SPATA13: variants seen among roughly 807,000 people sequenced by gnomAD.
SPATA13 encodes spermatogenesis associated 13.
In SPATA13, 50 loss-of-function variants were observed where a neutral mutation model predicts 104.0. The observed-to-expected ratio is 0.48, with a 90% CI of 0.38 to 0.61. The LOEUF (loss-of-function observed/expected upper bound fraction) is 0.61, where lower values mean the gene tolerates loss of function less well. SPATA13 is among the 20% of genes least tolerant of loss of function. The pLI is 0.00. For missense variants in SPATA13, 1,524 were observed against 1,690.6 expected, an observed-to-expected ratio of 0.90 and a Z score of 1.73; for synonymous variants, 606 against 667.5, an observed-to-expected ratio of 0.91 and a Z score of 1.42.
intron 9 of SPATA13, among the ~76,000 whole-genome samples, chr13:24,291,396 CTTCTCTA>C (rs939298132): frequency 2.6e-5 from 4 of 152,176 alleles, no homozygotes; most frequent in Non-Finnish European, 5.9e-5. Flanking sequence ...TTAGCAACCC[CTTCTCTA>C]TTTAGAAGGG....
chr13:24,152,447 A>G (rs532987281), intron 3 of SPATA13, among the ~76,000 whole-genome samples: 7 of 152,306 alleles, frequency 4.6e-5, no homozygotes, highest in African/African-American at 1.4e-4. Flanking sequence ...TCTGACACCC[A>G]TCCTGTCACA....
chr13:24,119,072 AT>A (rs1019966284), intron 3 of SPATA13, among the ~76,000 whole-genome samples: 3 of 151,450 alleles, frequency 2.0e-5, no homozygotes, highest in African/African-American at 7.3e-5. Flanking sequence ...CTCCCTGCTA[AT>A]TTTTTTTGTA....
intron 11 of SPATA13, among the ~76,000 whole-genome samples, chr13:24,298,054 T>C (rs1876918296): frequency 6.6e-6 from 1 of 152,174 alleles, no homozygotes; most frequent in African/African-American, 2.4e-5. Flanking sequence ...GATGAGAAAA[T>C]TGAGGCTTAT....
chr13:24,238,310 C>G lies in SPATA13; in HGVS notation c.1654-11167C>G, dbSNP rs192807907. On this transcript the variant is annotated intron_variant, in intron 2 of 12. Transcript: ENST00000382108. Reference sequence around the variant, plus strand: ...CAGCTGGGATTACAAGTGTGCACCACCATGCCCGGCTAATTTTTATATTTT... The same window carrying G: ...CAGCTGGGATTACAAGTGTGCACCAGCATGCCCGGCTAATTTTTATATTTT... Among the ~76,000 whole-genome samples the G allele has an allele frequency of 1.3e-3, 202 of 152,072 alleles. 1 individual carries two copies. The highest frequency in any genetic ancestry group is 1.6e-3 in the Non-Finnish European group (108 of 67,992).
At chr13:24,162,162 C>T (rs1211752387) in intron 1 of SPATA13, among the ~76,000 whole-genome samples, 1 of 152,216 alleles carries the variant, frequency 6.6e-6, no homozygotes, top group East Asian at 1.9e-4. Flanking sequence ...TTCTCATCTA[C>T]CTCCCTTGGC....
intron 1 of SPATA13, among the ~76,000 whole-genome samples, chr13:24,220,090 A>C (rs901908041): frequency 2.0e-5 from 3 of 152,092 alleles, no homozygotes; most frequent in Non-Finnish European, 4.4e-5. Context: ...ATTGCCTTGA[A>C]TTCCTCATGG....
chr13:24,263,236 A>T (rs1023427154), intron 4 of SPATA13, among the ~76,000 whole-genome samples: 2 of 152,162 alleles, frequency 1.3e-5, no homozygotes, highest in African/African-American at 2.4e-5. Context: ...ATTTTCTTTC[A>T]ATAAAGAATC....
chr13:23,993,346 A>G (rs1310508708), intron 2 of SPATA13, among the ~76,000 whole-genome samples: 3 of 152,204 alleles, frequency 2.0e-5, no homozygotes, highest in Non-Finnish European at 2.9e-5. Flanking sequence ...GTTTTAGTTG[A>G]TCTGCCACTA....
intron 3 of SPATA13, among the ~76,000 whole-genome samples, chr13:24,116,572 G>A (rs1880846821): frequency 6.6e-6 from 1 of 152,142 alleles, no homozygotes; most frequent in Non-Finnish European, 1.5e-5. Context: ...CACAACGACT[G>A]TATCTAGGAG....
At chr13:24,067,737 C>T (rs1302695645) in intron 3 of SPATA13, among the ~76,000 whole-genome samples, 1 of 152,150 alleles carries the variant, frequency 6.6e-6, no homozygotes, top group East Asian at 1.9e-4. Flanking sequence ...TGGAGTCTCA[C>T]TCTGTCGCCT....
rs1359651773 is a variant in SPATA13 at position 24,223,255 on chromosome 13, G to A, written c.326G>A (p.Arg109Gln). 1.4e-5 allele frequency: 22 copies of A among 1,551,656 alleles called. No individual in the cohort carries two copies. The highest frequency in any genetic ancestry group is 2.4e-5 in the East Asian group (1 of 40,906). Residue 109 changes from arginine (R) to glutamine (Q), a missense_variant, in exon 2 of 13, where the codon CGG becomes CAG. Arg to Gln is a conservative substitution (Grantham distance 43, BLOSUM62 1). This residue lies in a region of SPATA13 where 1,089 missense variants were observed against 1,135.9 expected (regional missense o/e 0.96). Transcript: ENST00000382108. ...SSTWNTLASF[R>Q]KMGSFKKLKS... Reference sequence around the variant, plus strand: ...ACATGGAACACCCTCGCCTCCTTCCGGAAAATGGGATCCTTTAAGAAACTG... The same window carrying A: ...ACATGGAACACCCTCGCCTCCTTCCAGAAAATGGGATCCTTTAAGAAACTG...
intron 3 of SPATA13, among the ~76,000 whole-genome samples, chr13:24,103,500 AAAC>A (rs1880326943): frequency 6.7e-6 from 1 of 149,460 alleles, no homozygotes; most frequent in Non-Finnish European, 1.5e-5. Flanking sequence ...AAAAAAAAAA[AAAC>A]AAGAAAGAAA....
chr13:24,233,774 T>G (rs879650410), intron 2 of SPATA13, among the ~76,000 whole-genome samples: 19 of 152,176 alleles, frequency 1.2e-4, no homozygotes, highest in Non-Finnish European at 2.4e-4. Context: ...CGGCAAATTA[T>G]GTACTTGTGA....
chr13:24,113,699 A>G (rs996510675), intron 3 of SPATA13, among the ~76,000 whole-genome samples: 1 of 151,592 alleles, frequency 6.6e-6, no homozygotes, highest in Non-Finnish European at 1.5e-5. Flanking sequence ...GTGAAACCCC[A>G]TCTCTACTAA....
At chr13:24,096,405 G>A (rs1880086787) in intron 3 of SPATA13, among the ~76,000 whole-genome samples, 1 of 152,044 alleles carries the variant, frequency 6.6e-6, no homozygotes, top group Admixed American at 6.5e-5. Flanking sequence ...AGACCAGCCT[G>A]GCCAACATGG....
intron 4 of SPATA13, among the ~76,000 whole-genome samples, chr13:24,278,979 TCC>T (rs1875265908): frequency 4.5e-5 from 2 of 44,610 alleles, no homozygotes; most frequent in Non-Finnish European, 6.1e-5. Flanking sequence ...CTTCCCTCCC[TCC>T]CTCCCTCCCT....
rs1878346507 is a variant in SPATA13 at position 24,051,700 on chromosome 13, A to G, written c.-112+33999A>G. Among the ~76,000 whole-genome samples, 1 of 152,096 alleles carries G rather than the reference A, an allele frequency of 6.6e-6. No homozygotes were observed. Among genetic ancestry groups the G allele is most frequent in the East Asian group, 1.9e-4 (1 of 5,184 alleles). On this transcript the variant is annotated intron_variant, in intron 3 of 14. Transcript: ENST00000424834. This position sits in a 1 kb window ranked among gnomAD's most constrained non-coding sequence, Gnocchi z 4.2. ...GAAGAGATTACACAGAGGAGATGAT[A>G]TGAGGCGAATCTTCAGAGGTGGGAG...
upstream of SPATA13, among the ~76,000 whole-genome samples, chr13:24,157,075 C>A (rs559320445): frequency 1.3e-5 from 2 of 152,198 alleles, no homozygotes; most frequent in African/African-American, 2.4e-5. Context: ...GCCTCTGCTT[C>A]CCTAACCCGG....
chr13:24,157,309 A>G (rs2138478252), upstream of SPATA13, among the ~76,000 whole-genome samples: 1 of 151,608 alleles, frequency 6.6e-6, no homozygotes, highest in East Asian at 1.9e-4. Context: ...TTTTTAATAT[A>G]TTTTTTTGAG....
Sources: allele counts gnomAD v4.1 joint callset (sites outside exome capture counted in the v4.1 genomes callset), GRCh38; gene constraint gnomAD v4.1.1; regional missense constraint gnomAD v4.1.1; non-coding constraint Gnocchi (gnomAD v3.1); transcripts MANE v1.5; gene names NCBI Gene and HGNC (gene_info 2026-07-23, HGNC 2026-07-21).